Variants in RABEP1 observed in about 807,000 individuals in gnomAD.
RABEP1 encodes the protein rab GTPase-binding effector protein 1.
Under a neutral mutation model 123.4 loss-of-function variants are expected in RABEP1, and 51 were observed. That is an observed-to-expected ratio of 0.41 (90% confidence interval 0.33 to 0.52). RABEP1 has a LOEUF of 0.52. Among genes scored for constraint, RABEP1 ranks in the 20% least tolerant of loss-of-function variants. The pLI is 0.16. For synonymous variants in RABEP1, 347 were observed against 355.2 expected, an observed-to-expected ratio of 0.98 and a Z score of 0.26; for missense variants, 888 against 996.3, an observed-to-expected ratio of 0.89 and a Z score of 1.46.
intron 8 of RABEP1, among the ~76,000 whole-genome samples, chr17:5,358,274 A>ATTG: frequency 6.6e-6 from 1 of 152,062 alleles, no homozygotes; most frequent in Middle Eastern, 3.4e-3. Flanking sequence ...ATTTTTCGTT[A>ATTG]TAAGTAATGT....
intron 10 of RABEP1, among the ~76,000 whole-genome samples, chr17:5,363,948 G>A (rs998556520): frequency 5.3e-5 from 8 of 152,136 alleles, no homozygotes; most frequent in African/African-American, 1.7e-4. Flanking sequence ...ACGTAAGAAA[G>A]ATACTTTTCC....
At chr17:5,375,855 T>TATTTC (rs1367901985) in intron 13 of RABEP1, among the ~76,000 whole-genome samples, 1 of 147,540 alleles carries the variant, frequency 6.8e-6, no homozygotes, top group Non-Finnish European at 1.5e-5. Context: ...TCCTAGATTT[T>TATTTC]ATTTCATTTT....
intron 2 of RABEP1, among the ~76,000 whole-genome samples, chr17:5,314,162 A>G (rs552993428): frequency 3.5e-4 from 53 of 151,316 alleles, no homozygotes; most frequent in African/African-American, 1.3e-3. Context: ...TAGCTGAAAT[A>G]TAAGTGCAAA....
intron 12 of RABEP1, among the ~76,000 whole-genome samples, chr17:5,370,814 C>T (rs1382409611): frequency 6.6e-6 from 1 of 152,156 alleles, no homozygotes. Flanking sequence ...AACAGCAAAT[C>T]TACTAAGTAA....
chr17:5,344,826 G>A (rs1267627106), intron 5 of RABEP1, among the ~76,000 whole-genome samples: 4 of 148,960 alleles, frequency 2.7e-5, no homozygotes, highest in African/African-American at 7.4e-5. Context: ...GCTAGGTGGC[G>A]CATGCCTGTA....
chr17:5,360,858 C>T, intron 8 of RABEP1: 1 of 254,352 alleles, frequency 3.9e-6, no homozygotes, highest in Non-Finnish European at 7.6e-6. Flanking sequence ...GGTGACGTTC[C>T]TCAACTGTTC....
chr17:5,289,223 T>G lies in RABEP1; in HGVS notation c.34+6703T>G, dbSNP rs532413848. ...ATGAGTTGCTGTTTCACATCTTTCT[T>G]TTGTGGCTTGTCTGTTTATATCTGT... On this transcript the variant is annotated intron_variant, in intron 1 of 17. Coordinates refer to ENST00000537505, the MANE Select transcript of RABEP1 (RefSeq NM_004703.6). 1.6e-4 allele frequency among the ~76,000 whole-genome samples: 24 copies of G among 152,064 alleles called. 1 individual carries two copies. The South Asian group carries it at 4.4e-3, about 28-fold the overall frequency.
intron 2 of RABEP1, among the ~76,000 whole-genome samples, chr17:5,315,390 A>C (rs950407770): frequency 6.6e-6 from 1 of 152,234 alleles, no homozygotes; most frequent in African/African-American, 2.4e-5. Flanking sequence ...AAGAATATAA[A>C]GACAAAGAGG....
chr17:5,323,803 T>TATATATATATCTAGGA (rs540998178), intron 2 of RABEP1, among the ~76,000 whole-genome samples: 1 of 115,862 alleles, frequency 8.6e-6, no homozygotes, highest in Non-Finnish European at 1.7e-5. Context: ...TCTAGGAATA[T>TATATATATATCTAGGA]ATATATATAT....
chr17:5,319,281 A>G (rs1237566125), intron 2 of RABEP1, among the ~76,000 whole-genome samples: 1 of 145,190 alleles, frequency 6.9e-6, no homozygotes, highest in Admixed American at 7.3e-5. Flanking sequence ...GTGAGCTGAG[A>G]TCATGCCACT....
chr17:5,284,505 G>C (rs2074958628), intron 1 of RABEP1, among the ~76,000 whole-genome samples: 1 of 150,550 alleles, frequency 6.6e-6, no homozygotes, highest in Admixed American at 6.6e-5. Flanking sequence ...TCACTCTGTT[G>C]CCCAGGCTGG....
At chr17:5,335,843 A>G (rs1451981061) in intron 4 of RABEP1, among the ~76,000 whole-genome samples, 10 of 152,070 alleles carry the variant, frequency 6.6e-5, no homozygotes. Flanking sequence ...AATGCCTAGC[A>G]TAGTGTCTAG....
At chr17:5,346,186 G>A (rs1023594981) in intron 5 of RABEP1, among the ~76,000 whole-genome samples, 1 of 152,180 alleles carries the variant, frequency 6.6e-6, no homozygotes, top group African/African-American at 2.4e-5. Flanking sequence ...TTACAGGCGT[G>A]AGCCACCACA....
At chr17:5,317,741 A>C (rs958266606) in intron 2 of RABEP1, among the ~76,000 whole-genome samples, 4 of 152,200 alleles carry the variant, frequency 2.6e-5, no homozygotes, top group African/African-American at 9.6e-5. Context: ...GATGGCTGGC[A>C]GCCCCTAGGT....
intron 1 of RABEP1, among the ~76,000 whole-genome samples, chr17:5,303,055 T>C (rs1555622329): frequency 1.3e-5 from 2 of 152,144 alleles, no homozygotes; most frequent in African/African-American, 2.4e-5. Flanking sequence ...CATAATTCTT[T>C]TACTACTCTG....
chr17:5,350,536 T>C lies in RABEP1; in HGVS notation c.870T>C (p.Ser290=). ...WQKANDQFLE[S]QRLLMRDMQR... ...AGGCCAATGACCAGTTTCTGGAATC[T>C]CAGCGTTTACTGATGAGAGACATGC... Residue 290 remains serine (S), a synonymous_variant, in exon 7 of 18, where the codon TCT becomes TCC. Transcript: ENST00000537505. 1 of 1,614,154 alleles carries C rather than the reference T, an allele frequency of 6.2e-7. No homozygotes were observed. Among genetic ancestry groups the C allele is most frequent in the Non-Finnish European group, 8.5e-7 (1 of 1,180,012 alleles).
intron 1 of RABEP1, among the ~76,000 whole-genome samples, chr17:5,288,652 C>T (rs1361494211): frequency 6.6e-6 from 1 of 152,160 alleles, no homozygotes; most frequent in Non-Finnish European, 1.5e-5. Flanking sequence ...GCCTTGGCCT[C>T]CCAAAGTGCT....
chr17:5,365,589 C>G (rs909598544), intron 11 of RABEP1, among the ~76,000 whole-genome samples: 1 of 151,794 alleles, frequency 6.6e-6, no homozygotes, highest in African/African-American at 2.4e-5. Flanking sequence ...AAAACATATA[C>G]AGATACACCA....
chr17:5,282,693 C>T (rs2074938417), intron 1 of RABEP1, among the ~76,000 whole-genome samples, 173 bp downstream of exon 1: 1 of 147,310 alleles, frequency 6.8e-6, no homozygotes, highest in East Asian at 1.9e-4. Flanking sequence ...GCGCGGGCGC[C>T]CCGGCTGCCG....
Sources: allele counts gnomAD v4.1 joint callset (sites outside exome capture counted in the v4.1 genomes callset), GRCh38; gene constraint gnomAD v4.1.1; transcripts MANE v1.5; gene names NCBI Gene and HGNC (gene_info 2026-07-23, HGNC 2026-07-21).